The following ST18 variants were observed in gnomAD, a reference collection of about 807,000 sequenced individuals.
The protein encoded by ST18 is ST18 C2H2C-type zinc finger transcription factor.
Under a neutral mutation model 110.0 loss-of-function variants are expected in ST18, and 50 were observed. That is an observed-to-expected ratio of 0.45 (90% CI 0.36 to 0.58). ST18 has a LOEUF of 0.58. Among genes scored for constraint, ST18 ranks in the 20% least tolerant of loss-of-function variants. The pLI, the probability that ST18 is intolerant of heterozygous loss-of-function variation, is 0.00. For synonymous variants in ST18, 461 were observed against 452.4 expected (o/e 1.02, Z -0.24); for missense variants, 1,306 against 1,280.1 (o/e 1.02, Z -0.31).
intron 2 of ST18, among the ~76,000 whole-genome samples, chr8:52,260,724 A>T (rs1281552696): frequency 6.6e-6 from 1 of 152,050 alleles, no homozygotes; most frequent in Non-Finnish European, 1.5e-5. Flanking sequence ...ACACACTGCA[A>T]TTTTTTTCTA....
At chr8:52,309,101 C>T (rs1015861784) in intron 2 of ST18, among the ~76,000 whole-genome samples, 9 of 152,230 alleles carry the variant, frequency 5.9e-5, no homozygotes, top group African/African-American at 1.4e-4. Context: ...ATATAAGGGT[C>T]GGTACTGCTA....
At chr8:52,328,338 C>T (rs1311435823) in intron 2 of ST18, among the ~76,000 whole-genome samples, 1 of 152,288 alleles carries the variant, frequency 6.6e-6, no homozygotes, top group South Asian at 2.1e-4. Flanking sequence ...GATGAAGAGA[C>T]CTTATCATAT....
chr8:52,129,894 A>C (rs2048540117), intron 22 of ST18, among the ~76,000 whole-genome samples: 1 of 151,716 alleles, frequency 6.6e-6, no homozygotes, highest in African/African-American at 2.4e-5. Context: ...AAAATACAAA[A>C]ATTAGCCTGG....
chr8:52,377,748 G>GGA (rs1832966483), intron 2 of ST18, among the ~76,000 whole-genome samples: 1 of 152,150 alleles, frequency 6.6e-6, no homozygotes, highest in African/African-American at 2.4e-5. Context: ...TCCCACTGCT[G>GGA]GATGTATACC....
At chr8:52,348,233 G>T (rs1258904730) in intron 2 of ST18, among the ~76,000 whole-genome samples, 1 of 152,142 alleles carries the variant, frequency 6.6e-6, no homozygotes, top group Admixed American at 6.5e-5. Flanking sequence ...ACAAACCCCA[G>T]TTCTCTCAGT....
At position 52,272,207 on chromosome 8, in the gene ST18, A is replaced by AGACT; in HGVS notation, c.-464-42134_-464-42131dup. 2.0e-5 allele frequency among the ~76,000 whole-genome samples: 3 copies of AGACT among 152,322 alleles called. No homozygotes were observed. The East Asian group carries it at 5.8e-4, about 29-fold the overall frequency. On this transcript the variant is annotated intron_variant, in intron 2 of 25. Coordinates refer to ENST00000689386, the MANE Select transcript of ST18 (RefSeq NM_001352837.2). Reference sequence around the variant, plus strand: ...AACAAAAAACAAAAATAAACAAATGAGACTAAGTCAAACTGAAAAGCTTCT... The same window carrying AGACT: ...AACAAAAAACAAAAATAAACAAATGAGACTGACTAAGTCAAACTGAAAAGCTTCT...
At chr8:52,335,298 T>C (rs1261819142) in intron 2 of ST18, among the ~76,000 whole-genome samples, 1 of 152,110 alleles carries the variant, frequency 6.6e-6, no homozygotes, top group Non-Finnish European at 1.5e-5. Flanking sequence ...CACCCCAAGA[T>C]CCAGGAATCT....
intron 2 of ST18, among the ~76,000 whole-genome samples, chr8:52,377,722 T>G (rs1217309349): frequency 6.6e-6 from 1 of 152,140 alleles, no homozygotes; most frequent in Non-Finnish European, 1.5e-5. Context: ...AATAGAACTA[T>G]GATATGATCC....
At chr8:52,342,051 T>TA (rs1815303141) in intron 2 of ST18, among the ~76,000 whole-genome samples, 1 of 152,224 alleles carries the variant, frequency 6.6e-6, no homozygotes, top group East Asian at 1.9e-4. Flanking sequence ...TTAATAACAG[T>TA]ATACTGATTA....
chr8:52,376,293 A>G lies in ST18; in HGVS notation c.-465+33035T>C, dbSNP rs879106582. Among the ~76,000 whole-genome samples, 4 of 152,142 alleles carry G rather than the reference A, an allele frequency of 2.6e-5. No individual in the cohort carries two copies. The South Asian group carries it at 8.3e-4, about 32-fold the overall frequency. On this transcript the variant is annotated intron_variant, in intron 2 of 25. Coordinates refer to ENST00000689386, the MANE Select transcript of ST18 (RefSeq NM_001352837.2). ...GACCTTCTCTCTTTCCACTCCACCT[A>G]CACACAGTTCAACACAACGGGATCC...
Position 52,224,096 on chromosome 8 carries a change from A to C in ST18, c.-418-2303T>G, listed in dbSNP as rs1299531640. Among the ~76,000 whole-genome samples, 3 of 152,242 alleles carry C rather than the reference A, an allele frequency of 2.0e-5. No individual in the cohort carries two copies. The East Asian group carries it at 5.8e-4, about 29-fold the overall frequency. ...AATTATTTGTTAGTTGGAATGATGAAAAAGAGCAGATTATCCTTGCCTGAC... is the reference window on the plus strand; with the variant it reads ...AATTATTTGTTAGTTGGAATGATGACAAAGAGCAGATTATCCTTGCCTGAC... On this transcript the variant is annotated intron_variant, in intron 3 of 25. Coordinates refer to ENST00000689386, the MANE Select transcript of ST18 (RefSeq NM_001352837.2).
At chr8:52,130,062 A>G (rs532457626) in intron 22 of ST18, among the ~76,000 whole-genome samples, 52 of 141,418 alleles carry the variant, frequency 3.7e-4, no homozygotes, top group African/African-American at 1.3e-3. Context: ...GAAAGAAAGA[A>G]AGAGAGAGAG....
Position 52,161,606 on chromosome 8 carries a change from T to C in ST18, c.1401-38A>G, listed in dbSNP as rs148097438. ...GTGAAGCAGTTCAAAAGAAATACAATGAAACTACTGGTGAGCACATTAGTG... is the reference window on the plus strand; with the variant it reads ...GTGAAGCAGTTCAAAAGAAATACAACGAAACTACTGGTGAGCACATTAGTG... On this transcript the variant is annotated intron_variant, in intron 13 of 25. Transcript: ENST00000689386. 230 of 1,604,780 alleles carry C rather than the reference T, an allele frequency of 1.4e-4. 1 individual carries two copies. The African/African-American group carries it at 2.5e-3, about 17-fold the overall frequency.
chr8:52,261,984 C>T lies in ST18; in HGVS notation c.-464-31907G>A, dbSNP rs183365436. ...TTTCTGTTGCTATAAGAGAACACCA[C>T]AGATTGGGTACAAAGTTTATTAAGC... On this transcript the variant is annotated intron_variant, in intron 2 of 25. Transcript: ENST00000689386. Among the ~76,000 whole-genome samples the T allele has an allele frequency of 9.2e-5, 14 of 152,274 alleles. No individual in the cohort carries two copies. The East Asian group carries it at 1.7e-3, about 19-fold the overall frequency.
At chr8:52,197,630 G>C (rs1282660687) in intron 8 of ST18, among the ~76,000 whole-genome samples, 2 of 152,140 alleles carry the variant, frequency 1.3e-5, no homozygotes, top group Non-Finnish European at 2.9e-5. Context: ...TGAACACTTA[G>C]AGTAGAAATC....
Position 52,145,684 on chromosome 8 carries a change from ATGTG to A in ST18, c.2053-2643_2053-2640del, listed in dbSNP as rs147514294. Among the ~76,000 whole-genome samples the A allele has an allele frequency of 6.4e-3, 974 of 152,316 alleles. 10 individuals are homozygous for A. Among genetic ancestry groups the A allele is most frequent in the Non-Finnish European group, 8.3e-3 (565 of 68,020 alleles). On this transcript the variant is annotated intron_variant, in intron 16 of 25. Coordinates refer to ENST00000689386, the MANE Select transcript of ST18 (RefSeq NM_001352837.2). ...TTGTGTAAAAGAGGATGTGGTATAT[ATGTG>A]TGTGTTTAGAGAGTACATGCATGCA...
chr8:52,141,937 G>A (rs1243726191), intron 17 of ST18, among the ~76,000 whole-genome samples: 41 of 152,164 alleles, frequency 2.7e-4, no homozygotes, highest in Admixed American at 6.5e-5. Flanking sequence ...CAGAGGCACC[G>A]CGCTCTTTAG....
chr8:52,335,331 C>T (rs986542170), intron 2 of ST18, among the ~76,000 whole-genome samples: 10 of 150,876 alleles, frequency 6.6e-5, no homozygotes, highest in South Asian at 2.1e-4. Context: ...CCCTCCCTCT[C>T]GCCTGCCTCA....
At chr8:52,246,396 G>A (rs1277592003) in intron 2 of ST18, among the ~76,000 whole-genome samples, 1 of 152,060 alleles carries the variant, frequency 6.6e-6, no homozygotes, top group African/African-American at 2.4e-5. Flanking sequence ...GACCTATGCT[G>A]TAAATACTTA....
Sources: allele counts gnomAD v4.1 joint callset (sites outside exome capture counted in the v4.1 genomes callset), GRCh38; gene constraint gnomAD v4.1.1; transcripts MANE v1.5; gene names NCBI Gene and HGNC (gene_info 2026-07-23, HGNC 2026-07-21).